NXPH1: variants seen among roughly 807,000 people sequenced by gnomAD.
NXPH1 encodes neurexophilin 1.
NXPH1 carries 5 observed loss-of-function variants against 23.7 expected under a neutral mutation model. The observed-to-expected ratio is 0.21, with a 90% CI of 0.11 to 0.44. The LOEUF is 0.44. NXPH1 is among the 20% of genes least tolerant of loss of function. NXPH1 has a pLI of 0.99. For synonymous variants in NXPH1, 144 were observed against 122.2 expected, an observed-to-expected ratio of 1.18 and a Z score of -1.18; for missense variants, 324 against 321.6, an observed-to-expected ratio of 1.01 and a Z score of -0.06.
intron 2 of NXPH1, among the ~76,000 whole-genome samples, chr7:8,634,215 G>C (rs182089845): frequency 6.6e-6 from 1 of 152,014 alleles, no homozygotes; most frequent in African/African-American, 2.4e-5. Context: ...TCATGGGGGC[G>C]GGTTTTCCCA....
At chr7:8,739,174 A>T (rs1464033492) in intron 2 of NXPH1, among the ~76,000 whole-genome samples, 1 of 70,338 alleles carries the variant, frequency 1.4e-5, no homozygotes, top group African/African-American at 5.8e-5. Flanking sequence ...AGTGGGGTAA[A>T]AAAAAAAAAA....
At chr7:8,696,310 C>T (rs1158538270) in intron 2 of NXPH1, among the ~76,000 whole-genome samples, 1 of 152,162 alleles carries the variant, frequency 6.6e-6, no homozygotes, top group African/African-American at 2.4e-5. Flanking sequence ...TTCCTGAATT[C>T]ACTCTAATGA....
At chr7:8,624,873 G>A (rs1028798625) in intron 2 of NXPH1, among the ~76,000 whole-genome samples, 5 of 152,204 alleles carry the variant, frequency 3.3e-5, no homozygotes, top group African/African-American at 1.2e-4. Flanking sequence ...GCAGTTTGGG[G>A]ATAGGAAGAC....
intron 2 of NXPH1, among the ~76,000 whole-genome samples, chr7:8,651,120 C>A (rs1388159634): frequency 1.3e-5 from 2 of 149,858 alleles, no homozygotes; most frequent in Non-Finnish European, 3.0e-5. Flanking sequence ...TATCCCTCCC[C>A]ACTCCCCCCA....
intron 2 of NXPH1, among the ~76,000 whole-genome samples, chr7:8,696,840 CAAA>C (rs3059126): frequency 5.2e-5 from 5 of 96,980 alleles, no homozygotes; most frequent in Admixed American, 1.2e-4. Flanking sequence ...GACTCCCTCT[CAAA>C]AAAAAAAAAA....
At chr7:8,652,519 T>A (rs377260088) in intron 2 of NXPH1, among the ~76,000 whole-genome samples, 1 of 152,206 alleles carries the variant, frequency 6.6e-6, no homozygotes, top group Non-Finnish European at 1.5e-5. Context: ...TTTTAACTAA[T>A]CCTCAATTAC....
At chr7:8,454,850 A>G (rs1816566708) in intron 2 of NXPH1, among the ~76,000 whole-genome samples, 1 of 152,160 alleles carries the variant, frequency 6.6e-6, no homozygotes, top group Non-Finnish European at 1.5e-5. Context: ...GGGGCTTACT[A>G]CATTAGACAG....
intron 2 of NXPH1, among the ~76,000 whole-genome samples, chr7:8,499,879 C>A (rs1817402853): frequency 6.6e-6 from 1 of 152,078 alleles, no homozygotes; most frequent in Non-Finnish European, 1.5e-5. Context: ...CAAAGAGCCT[C>A]CTTGTGCGGC....
intron 2 of NXPH1, among the ~76,000 whole-genome samples, chr7:8,536,026 C>G (rs544656875): frequency 6.6e-6 from 1 of 152,132 alleles, no homozygotes; most frequent in South Asian, 2.1e-4. Flanking sequence ...TGGGCATTCT[C>G]TTCAATTCCC....
At chr7:8,723,110 G>A (rs941978537) in intron 2 of NXPH1, among the ~76,000 whole-genome samples, 2 of 152,108 alleles carry the variant, frequency 1.3e-5, no homozygotes, top group African/African-American at 4.8e-5. Context: ...CCATAAAATT[G>A]TGTTTGCTTC....
intron 2 of NXPH1, among the ~76,000 whole-genome samples, chr7:8,624,622 A>G (rs962645826): frequency 3.3e-5 from 5 of 152,152 alleles, no homozygotes; most frequent in African/African-American, 1.2e-4. Flanking sequence ...TGAACACACC[A>G]TGCATCTTTT....
At chr7:8,627,295 A>G (rs1820013248) in intron 2 of NXPH1, among the ~76,000 whole-genome samples, 1 of 152,168 alleles carries the variant, frequency 6.6e-6, no homozygotes, top group Admixed American at 6.6e-5. Flanking sequence ...AGAATAAAAA[A>G]CTACTTGTTA....
At chr7:8,573,764 A>G (rs1818697179) in intron 2 of NXPH1, among the ~76,000 whole-genome samples, 1 of 152,128 alleles carries the variant, frequency 6.6e-6, no homozygotes. Flanking sequence ...TTGGATCATG[A>G]CCAAATAATA....
chr7:8,441,416 T>G (rs933313382), intron 2 of NXPH1, among the ~76,000 whole-genome samples: 10 of 152,148 alleles, frequency 6.6e-5, no homozygotes, highest in African/African-American at 2.4e-4. Context: ...CGCATTTTTC[T>G]GCCTCAGATT....
At chr7:8,588,697 C>T (rs1819028991) in intron 2 of NXPH1, among the ~76,000 whole-genome samples, 1 of 152,076 alleles carries the variant, frequency 6.6e-6, no homozygotes, top group Non-Finnish European at 1.5e-5. Context: ...ACATGGCACA[C>T]ACCTGGTAAT....
At chr7:8,493,334 G>A (rs1164202442) in intron 2 of NXPH1, among the ~76,000 whole-genome samples, 3 of 152,024 alleles carry the variant, frequency 2.0e-5, no homozygotes, top group African/African-American at 4.8e-5. Context: ...CATCACGGCT[G>A]GAGGAAATGT....
chr7:8,637,278 A>G (rs186492294), intron 2 of NXPH1, among the ~76,000 whole-genome samples: 2 of 150,944 alleles, frequency 1.3e-5, no homozygotes, highest in Admixed American at 1.3e-4. Context: ...ACTGGAGTTC[A>G]GTGGTGCAAT....
At chr7:8,461,383 A>T (rs117045406) in intron 2 of NXPH1, among the ~76,000 whole-genome samples, 1 of 152,186 alleles carries the variant, frequency 6.6e-6, no homozygotes, top group Non-Finnish European at 1.5e-5. Flanking sequence ...TGGAGAGAGA[A>T]ATAGAAAACA....
At chr7:8,605,947 G>A (rs955345099) in intron 2 of NXPH1, among the ~76,000 whole-genome samples, 1 of 152,022 alleles carries the variant, frequency 6.6e-6, no homozygotes, top group Non-Finnish European at 1.5e-5. Context: ...TAAATAAAAT[G>A]AGGCCAACAT....
Sources: gnomAD v4.1 joint callset for allele counts (sites outside exome capture counted in the v4.1 genomes callset) on GRCh38, gnomAD v4.1.1 for gene constraint, MANE v1.5 for transcripts, NCBI Gene and HGNC (gene_info 2026-07-23, HGNC 2026-07-21) for gene names.